CDH13: variants seen among roughly 807,000 people sequenced by gnomAD.
The protein encoded by CDH13 is cadherin 13.
A neutral mutation model predicts 63.8 loss-of-function variants in CDH13; 24 were observed. The ratio of observed to expected loss-of-function variants is 0.38; its 90% confidence interval spans 0.27 to 0.53. CDH13 has a LOEUF of 0.53. Ranked by LOEUF, CDH13 falls within the 20% of genes least tolerant of loss-of-function variation. The probability of loss-of-function intolerance (pLI) is 0.85; values close to 1 mark genes in which losing one functional copy is unlikely to be tolerated. For missense variants in CDH13, 1,049 were observed against 903.1 expected (o/e 1.16, Z -2.07); for synonymous variants, 503 against 355.3 (o/e 1.42, Z -4.67).
intron 8 of CDH13, among the ~76,000 whole-genome samples, chr16:83,634,041 C>G (rs1911016695): frequency 6.6e-6 from 1 of 152,008 alleles, no homozygotes; most frequent in African/African-American, 2.4e-5. Flanking sequence ...GCAACAATAC[C>G]AAGAGCAGGA....
intron 3 of CDH13, among the ~76,000 whole-genome samples, chr16:83,087,737 A>C (rs1380146579): frequency 6.7e-6 from 1 of 148,688 alleles, no homozygotes; most frequent in African/African-American, 2.5e-5. Flanking sequence ...GTTATTTATT[A>C]ATGTTCTCAT....
chr16:83,564,410 TTTTTTG>T (rs1187308056), intron 7 of CDH13, among the ~76,000 whole-genome samples: 6 of 10,696 alleles, frequency 5.6e-4, no homozygotes, highest in African/African-American at 1.9e-3. Flanking sequence ...TTTTTTTTTT[TTTTTTG>T]TTTTTGTTTT....
At chr16:83,542,023 G>C (rs2075304673) in intron 7 of CDH13, among the ~76,000 whole-genome samples, 1 of 152,196 alleles carries the variant, frequency 6.6e-6, no homozygotes, top group Admixed American at 6.5e-5. Flanking sequence ...AGCGTTGTCT[G>C]ACCCTTGCTC....
intron 6 of CDH13, among the ~76,000 whole-genome samples, chr16:83,349,385 T>G (rs2090904401): frequency 6.6e-6 from 1 of 152,130 alleles, no homozygotes; most frequent in Non-Finnish European, 1.5e-5. Flanking sequence ...TTGGCATCAA[T>G]TCATGGGTGT....
At chr16:83,483,954 A>T (rs892625585) in intron 6 of CDH13, among the ~76,000 whole-genome samples, 14 of 152,180 alleles carry the variant, frequency 9.2e-5, no homozygotes, top group African/African-American at 3.4e-4. Flanking sequence ...TGCATGGGCC[A>T]AGAATGTTCT....
intron 2 of CDH13, among the ~76,000 whole-genome samples, chr16:82,927,782 C>T (rs577347084): frequency 3.2e-4 from 48 of 152,290 alleles, no homozygotes; most frequent in Non-Finnish European, 5.4e-4. Flanking sequence ...AGCCCAGGCA[C>T]CCTGCCTAAC....
chr16:82,872,770 A>G (rs1028502418), intron 2 of CDH13, among the ~76,000 whole-genome samples: 1 of 152,168 alleles, frequency 6.6e-6, no homozygotes, highest in Non-Finnish European at 1.5e-5. Flanking sequence ...GAAATAGGGA[A>G]TGGAAAAGGA....
chr16:83,654,540 C>T (rs962580999), intron 8 of CDH13, among the ~76,000 whole-genome samples: 5 of 151,938 alleles, frequency 3.3e-5, no homozygotes, highest in East Asian at 1.9e-4. Flanking sequence ...AGAGGTCAGA[C>T]GAAGAATCCT....
rs2039679021 is a variant in CDH13 at position 82,856,206 on chromosome 16, C to G, written c.46-2156C>G. Among the ~76,000 whole-genome samples the G allele has an allele frequency of 2.0e-5, 3 of 151,692 alleles. No homozygotes were observed. The South Asian group carries it at 6.2e-4, about 32-fold the overall frequency. Reference sequence around the variant, plus strand: ...CCTGGCGAACACTGTGAAACCCCGTCTCTACTAAAAATAGAAAAAATTAGC... The same window carrying G: ...CCTGGCGAACACTGTGAAACCCCGTGTCTACTAAAAATAGAAAAAATTAGC... On this transcript the variant is annotated intron_variant, in intron 1 of 13. Transcript: ENST00000567109.
At chr16:83,486,254 A>G (rs2073886155) in intron 6 of CDH13, among the ~76,000 whole-genome samples, 1 of 152,186 alleles carries the variant, frequency 6.6e-6, no homozygotes, top group Non-Finnish European at 1.5e-5. Context: ...GCTGAACAGC[A>G]AAGATGTTTT....
chr16:83,217,372 T>C lies in CDH13; in HGVS notation c.511T>C (p.Ser171Pro), dbSNP rs775487447. The change falls in exon 5 of 14, where the codon TCC becomes CCC. Residue 171 changes from serine to proline, a missense_variant. Ser to Pro is a moderately conservative substitution (Grantham distance 74). Coordinates refer to ENST00000567109, the MANE Select transcript of CDH13 (RefSeq NM_001257.5). ...KVVDSDRPER[S>P]KFRLTGKGVD... ...AGTCGATAGTGACAGGCCAGAAAGG[T>C]CCAAGTTCCGGCTCACTGGAAAGGG... The C allele has an allele frequency of 1.9e-6, 3 of 1,613,822 alleles. No individual in the cohort carries two copies. The highest frequency in any genetic ancestry group is 8.5e-7 in the Non-Finnish European group (1 of 1,179,816).
At chr16:83,769,446 T>C (rs1914615851) in intron 11 of CDH13, among the ~76,000 whole-genome samples, 2 of 152,160 alleles carry the variant, frequency 1.3e-5, no homozygotes, top group Admixed American at 6.5e-5. Context: ...ACAAGAAAAG[T>C]GAATTTATTT....
At chr16:82,634,052 A>T (rs531240769) in intron 1 of CDH13, among the ~76,000 whole-genome samples, 1 of 152,376 alleles carries the variant, frequency 6.6e-6, no homozygotes, top group East Asian at 1.9e-4. Context: ...CAAAGACACC[A>T]ATGAGCATCA....
chr16:83,042,111 C>G (rs1917380445), intron 3 of CDH13, among the ~76,000 whole-genome samples: 1 of 152,152 alleles, frequency 6.6e-6, no homozygotes, highest in African/African-American at 2.4e-5. Context: ...CTTCAAGACA[C>G]CCGACACGCT....
At chr16:83,534,747 A>G (rs1406253017) in intron 7 of CDH13, among the ~76,000 whole-genome samples, 1 of 152,174 alleles carries the variant, frequency 6.6e-6, no homozygotes, top group Non-Finnish European at 1.5e-5. Context: ...AGCTGCTTCT[A>G]CTTCCTCACT....
intron 1 of CDH13, among the ~76,000 whole-genome samples, chr16:82,632,350 C>A (rs987151708): frequency 6.6e-6 from 1 of 152,170 alleles, no homozygotes; most frequent in Non-Finnish European, 1.5e-5. Context: ...TTTCTCCTTC[C>A]CTGTGATTGA....
intron 2 of CDH13, among the ~76,000 whole-genome samples, chr16:82,912,966 C>G (rs1186152296): frequency 6.6e-6 from 1 of 151,008 alleles, no homozygotes; most frequent in Non-Finnish European, 1.5e-5. Context: ...AAGAGTGGTG[C>G]TTCAAAATTG....
At chr16:83,138,666 T>G (rs140998618) in intron 4 of CDH13, among the ~76,000 whole-genome samples, 1 of 152,208 alleles carries the variant, frequency 6.6e-6, no homozygotes, top group African/African-American at 2.4e-5. Context: ...GACCTTTTTC[T>G]ACGGATGACT....
chr16:83,332,226 G>T (rs1421583796), intron 5 of CDH13, among the ~76,000 whole-genome samples: 1 of 151,924 alleles, frequency 6.6e-6, no homozygotes, highest in Non-Finnish European at 1.5e-5. Context: ...CTGCATTTCA[G>T]TAGTTTAATC....
Sources: allele counts gnomAD v4.1 joint callset (sites outside exome capture counted in the v4.1 genomes callset), GRCh38; gene constraint gnomAD v4.1.1; transcripts MANE v1.5; gene names NCBI Gene and HGNC (gene_info 2026-07-23, HGNC 2026-07-21).